ANAPC10: variants seen among roughly 807,000 people sequenced by gnomAD.
ANAPC10 encodes anaphase promoting complex subunit 10, also known as anaphase-promoting complex subunit 10.
ANAPC10 carries 12 observed loss-of-function variants against 22.0 expected under a neutral mutation model. The ratio of observed to expected loss-of-function variants is 0.55; its 90% CI spans 0.35 to 0.88. The LOEUF (loss-of-function observed/expected upper bound fraction) is 0.88, where lower values mean the gene tolerates loss of function less well. ANAPC10 is among the 40% of genes least tolerant of loss of function. The pLI is 0.01. For missense variants in ANAPC10, 188 were observed against 220.9 expected (o/e 0.85, Z 0.94); for synonymous variants, 65 against 69.5 (o/e 0.94, Z 0.32).
intron 4 of ANAPC10, among the ~76,000 whole-genome samples, chr4:145,036,995 C>CGTGTGTGTGTGTGTGT (rs202100756): frequency 8.6e-4 from 113 of 131,234 alleles, no homozygotes; most frequent in African/African-American, 2.8e-3. Context: ...AAATAGATAA[C>CGTGTGTGTGTGTGTGT]GTGTGTGTGT....
intron 4 of ANAPC10, among the ~76,000 whole-genome samples, chr4:145,058,762 T>C (rs1742444024): frequency 6.6e-6 from 1 of 152,204 alleles, no homozygotes; most frequent in Non-Finnish European, 1.5e-5. Flanking sequence ...TAACATATTT[T>C]AGTTCCAAAA....
chr4:145,071,262 C>G (rs1314104775), intron 3 of ANAPC10, among the ~76,000 whole-genome samples: 1 of 152,068 alleles, frequency 6.6e-6, no homozygotes, highest in Non-Finnish European at 1.5e-5. Flanking sequence ...CAAAATTAGC[C>G]AGGCGTGGTG....
chr4:145,081,762 A>T lies in ANAPC10; in HGVS notation c.116-12T>A. The T allele has an allele frequency of 6.3e-7, 1 of 1,583,576 alleles. No individual in the cohort carries two copies. Among genetic ancestry groups the T allele is most frequent in the South Asian group, 1.1e-5 (1 of 88,758 alleles). On this transcript the variant is annotated splice_polypyrimidine_tract_variant and intron_variant, in intron 2 of 4. Transcript: ENST00000507656. ...ATCCACTCCAAATCCTAAAAACACC[A>T]AAAGTGTCAATAAATCCCTGTGAAA...
At chr4:145,096,528 C>G (rs945397433) in intron 1 of ANAPC10, among the ~76,000 whole-genome samples, 6 of 152,200 alleles carry the variant, frequency 3.9e-5, no homozygotes, top group Non-Finnish European at 7.3e-5. Flanking sequence ...TCAGCCTAGA[C>G]TTTGAGTAGG....
At chr4:145,012,379 C>A (rs189370102) in intron 4 of ANAPC10, among the ~76,000 whole-genome samples, 8 of 151,532 alleles carry the variant, frequency 5.3e-5, no homozygotes, top group Non-Finnish European at 1.2e-4. Flanking sequence ...CAGTGTCTGA[C>A]AATCAGAAAT....
At chr4:145,062,579 TGTGGGTGACAGA>T (rs1743053406) in intron 4 of ANAPC10, among the ~76,000 whole-genome samples, 1 of 151,646 alleles carries the variant, frequency 6.6e-6, no homozygotes, top group African/African-American at 2.4e-5. Flanking sequence ...TGCACTCCAG[TGTGGGTGACAGA>T]GTAAGACTCC....
chr4:145,094,104 A>G (rs905613109), intron 2 of ANAPC10, among the ~76,000 whole-genome samples: 4 of 152,204 alleles, frequency 2.6e-5, no homozygotes, highest in African/African-American at 9.7e-5. Flanking sequence ...GCTAGCTACT[A>G]CTAATCTGGT....
Position 144,995,036 on chromosome 4 carries a change from A to G in ANAPC10, c.*337T>C, listed in dbSNP as rs1468169361. On this transcript the variant is annotated 3_prime_UTR_variant, in exon 5 of 5. Transcript: ENST00000507656. ...ACTCTAATGTATGAACACTAATGAA[A>G]TAATCACCTAGCTATTATAATTGTG... 1 of 172,882 alleles carries G rather than the reference A, an allele frequency of 5.8e-6. No individual in the cohort carries two copies. The highest frequency in any genetic ancestry group is 1.6e-4 in the East Asian group (1 of 6,166). 10.7% of individuals were successfully genotyped at this position (172,882 alleles called of 1,614,324 possible). A position where few individuals can be genotyped will look rare whatever the true frequency, so the allele number is the denominator to read the frequency against.
intron 4 of ANAPC10, among the ~76,000 whole-genome samples, chr4:145,012,199 C>T (rs1187580236): frequency 6.9e-6 from 1 of 145,924 alleles, no homozygotes. Flanking sequence ...TATATATACA[C>T]ACACACATAT....
At chr4:145,095,820 T>C (rs1197877062) in intron 2 of ANAPC10, among the ~76,000 whole-genome samples, 165 bp downstream of exon 2, 1 of 152,216 alleles carries the variant, frequency 6.6e-6, no homozygotes, top group Non-Finnish European at 1.5e-5. Context: ...GGTATTTATG[T>C]ATAGGAAAAA....
In ANAPC10 at chr4:145,015,353, A is replaced by G. The variant is rs556653887; in HGVS notation, c.328-19750T>C. 1.5e-4 allele frequency among the ~76,000 whole-genome samples: 23 copies of G among 152,194 alleles called. 1 individual carries two copies. The highest frequency in any genetic ancestry group is 5.5e-4 in the African/African-American group (23 of 41,506). On this transcript the variant is annotated intron_variant, in intron 4 of 4. Coordinates refer to ENST00000507656, the MANE Select transcript of ANAPC10 (RefSeq NM_001256706.2). The stretch of plus-strand genomic sequence containing the variant: ...GAAGAAAGAAATTCAGAGCTTGAAG[A>G]CAAGGTCTTTGAATTAACCCAACCA...
chr4:145,059,588 A>G (rs1475469780), intron 4 of ANAPC10, among the ~76,000 whole-genome samples: 1 of 152,184 alleles, frequency 6.6e-6, no homozygotes, highest in Non-Finnish European at 1.5e-5. Context: ...ACATATGCTG[A>G]AAGTGTCTAC....
At chr4:145,076,927 T>C (rs1049291961) in intron 3 of ANAPC10, among the ~76,000 whole-genome samples, 1 of 152,164 alleles carries the variant, frequency 6.6e-6, no homozygotes, top group Non-Finnish European at 1.5e-5. Context: ...TTGCCAGGCG[T>C]GGTGGCTCAC....
intron 4 of ANAPC10, among the ~76,000 whole-genome samples, chr4:145,027,648 G>A (rs896160745): frequency 2.0e-5 from 3 of 152,172 alleles, no homozygotes; most frequent in African/African-American, 7.2e-5. Context: ...CAAAGCATCA[G>A]AAATTAAAAG....
At chr4:145,037,924 G>A (rs1382540934) in intron 4 of ANAPC10, among the ~76,000 whole-genome samples, 3 of 142,332 alleles carry the variant, frequency 2.1e-5, no homozygotes, top group Non-Finnish European at 3.0e-5. Flanking sequence ...TCAAGCATGG[G>A]TGACAGAGCA....
At chr4:144,995,640 C>T in intron 4 of ANAPC10, 37 bp from the exon 5 acceptor site, 1 of 1,374,944 alleles carries the variant, frequency 7.3e-7, no homozygotes, top group Non-Finnish European at 1.0e-6. Context: ...TGCTTTTATT[C>T]AACAAATATA....
intron 4 of ANAPC10, among the ~76,000 whole-genome samples, chr4:144,998,800 A>G: frequency 6.6e-6 from 1 of 152,168 alleles, no homozygotes; most frequent in Non-Finnish European, 1.5e-5. Flanking sequence ...AGACACAAAA[A>G]ACCTTCAAAA....
At chr4:145,086,572 G>A (rs910092589) in intron 2 of ANAPC10, among the ~76,000 whole-genome samples, 1 of 152,154 alleles carries the variant, frequency 6.6e-6, no homozygotes, top group African/African-American at 2.4e-5. Context: ...TCCTCTAGGT[G>A]ATTCTGATGC....
chr4:145,065,110 G>C (rs1466705366), intron 3 of ANAPC10, among the ~76,000 whole-genome samples: 1 of 151,878 alleles, frequency 6.6e-6, no homozygotes, highest in African/African-American at 2.4e-5. Context: ...AAAATAACTA[G>C]CTAAGTGAGG....
Sources: gnomAD v4.1 joint callset for allele counts (sites outside exome capture counted in the v4.1 genomes callset) on GRCh38, gnomAD v4.1.1 for gene constraint, MANE v1.5 for transcripts, NCBI Gene and HGNC (gene_info 2026-07-23, HGNC 2026-07-21) for gene names.